Variants in TENM4 observed in about 807,000 individuals in gnomAD.
TENM4 encodes teneurin transmembrane protein 4.
Under a neutral mutation model 243.3 loss-of-function variants are expected in TENM4, and 82 were observed. The ratio of observed to expected loss-of-function variants is 0.34; its 90% confidence interval spans 0.28 to 0.40. The LOEUF is 0.40. Among genes scored for constraint, TENM4 ranks in the 10% least tolerant of loss-of-function variants. TENM4 has a pLI of 1.00. For missense variants in TENM4, 3,138 were observed against 3,673.3 expected, an observed-to-expected ratio of 0.85 and a Z score of 3.77; for synonymous variants, 1,412 against 1,456.3, an observed-to-expected ratio of 0.97 and a Z score of 0.69.
intron 6 of TENM4, among the ~76,000 whole-genome samples, chr11:79,022,408 C>T (rs1165220892): frequency 6.6e-6 from 1 of 152,128 alleles, no homozygotes; most frequent in African/African-American, 2.4e-5. Context: ...CTCAGCTATG[C>T]AGTAAACAGT....
At chr11:79,247,416 CAAAAAAAAAAAA>C (rs34265803) in intron 2 of TENM4, among the ~76,000 whole-genome samples, 3 of 81,372 alleles carry the variant, frequency 3.7e-5, no homozygotes, top group Admixed American at 2.6e-4. Context: ...GACTCTGTCT[CAAAAAAAAAAAA>C]AAAAAAAAAA....
intron 4 of TENM4, among the ~76,000 whole-genome samples, chr11:79,102,981 T>G (rs960975683): frequency 6.6e-6 from 1 of 152,128 alleles, no homozygotes; most frequent in Non-Finnish European, 1.5e-5. Flanking sequence ...TGGTGTCGAG[T>G]CTTTCCAAGT....
chr11:79,130,424 G>C (rs1861978637), intron 4 of TENM4, among the ~76,000 whole-genome samples: 1 of 151,818 alleles, frequency 6.6e-6, no homozygotes. Context: ...CAGGAGGTTA[G>C]TCATTAAGCT....
At chr11:78,693,758 A>G (rs1406051805) in intron 28 of TENM4, among the ~76,000 whole-genome samples, 1 of 152,230 alleles carries the variant, frequency 6.6e-6, no homozygotes, top group African/African-American at 2.4e-5. Flanking sequence ...TCACGCCTGT[A>G]ATCCCAGCAC....
intron 3 of TENM4, among the ~76,000 whole-genome samples, chr11:79,171,159 G>C (rs1465373274): frequency 6.6e-6 from 1 of 152,176 alleles, no homozygotes; most frequent in East Asian, 1.9e-4. Context: ...CCCAGAGAGG[G>C]GAAGAATTTG....
At chr11:79,021,911 CT>C (rs1264544542) in intron 6 of TENM4, 3 of 152,196 alleles carry the variant, frequency 2.0e-5, no homozygotes, top group Non-Finnish European at 4.4e-5. Context: ...AAGAAAATCC[CT>C]TTGTCTTTGG....
At chr11:78,865,404 GGC>G (rs1858945196) in intron 9 of TENM4, among the ~76,000 whole-genome samples, 1 of 152,182 alleles carries the variant, frequency 6.6e-6, no homozygotes, top group South Asian at 2.1e-4. Context: ...TTGCCTGCTT[GGC>G]TAGGGCACCT....
In TENM4 at chr11:78,903,579, GA is replaced by G. The variant is rs1430738251; in HGVS notation, c.494-57del. On this transcript the variant is annotated intron_variant, in intron 6 of 33. Coordinates refer to ENST00000278550, the MANE Select transcript of TENM4 (RefSeq NM_001098816.3). ...TGAGCTTGGTGCTGCCCCTCGGCTGGAAAAGCAGCCACGGAGGTCTGAGCAA... is the reference window on the plus strand; with the variant it reads ...TGAGCTTGGTGCTGCCCCTCGGCTGGAAAGCAGCCACGGAGGTCTGAGCAA... 8 of 1,537,408 alleles carry G rather than the reference GA, an allele frequency of 5.2e-6. No homozygotes were observed. The African/African-American group carries it at 1.1e-4, about 21-fold the overall frequency.
chr11:78,995,356 G>A (rs1858145775), intron 6 of TENM4, among the ~76,000 whole-genome samples: 1 of 152,152 alleles, frequency 6.6e-6, no homozygotes, highest in Non-Finnish European at 1.5e-5. Context: ...GGAAAGCTTT[G>A]AAGCAGAGGA....
Position 79,438,404 on chromosome 11 carries a change from G to C in TENM4, c.-321+2105C>G, listed in dbSNP as rs970045013. ...CTGTCTGCAGAGGCGAGAGGCGAAG[G>C]AACGGAAGCCATACCCGACCCCAGC... On this transcript the variant is annotated intron_variant, in intron 1 of 33. Coordinates refer to ENST00000278550, the MANE Select transcript of TENM4 (RefSeq NM_001098816.3). This position sits in a 1 kb window ranked among gnomAD's most constrained non-coding sequence, Gnocchi z 4.1. Among the ~76,000 whole-genome samples the C allele has an allele frequency of 3.3e-5, 5 of 152,210 alleles. No individual in the cohort carries two copies. The highest frequency in any genetic ancestry group is 3.3e-4 in the Admixed American group (5 of 15,284).
chr11:78,784,772 G>C (rs1856900791), intron 16 of TENM4, among the ~76,000 whole-genome samples: 1 of 152,212 alleles, frequency 6.6e-6, no homozygotes, highest in Non-Finnish European at 1.5e-5. Flanking sequence ...TGGATGGTTT[G>C]ACTTCTTGGC....
chr11:79,347,796 G>T (rs1423989440), intron 1 of TENM4, among the ~76,000 whole-genome samples: 1 of 121,682 alleles, frequency 8.2e-6, no homozygotes, highest in African/African-American at 3.2e-5. Flanking sequence ...TTTTTGAGAC[G>T]GAGTCTCGCT....
chr11:79,196,152 T>G (rs994329890), intron 3 of TENM4, among the ~76,000 whole-genome samples: 1 of 152,164 alleles, frequency 6.6e-6, no homozygotes, highest in Non-Finnish European at 1.5e-5. Flanking sequence ...TAAGTCCTGT[T>G]AAACTTCTTT....
At chr11:78,840,836 G>A (rs1858242123) in intron 12 of TENM4, among the ~76,000 whole-genome samples, 1 of 152,210 alleles carries the variant, frequency 6.6e-6, no homozygotes, top group Non-Finnish European at 1.5e-5. Flanking sequence ...TCTTCAGGCA[G>A]ACTGGCCTAG....
At chr11:79,272,519 C>T (rs1053544333) in intron 2 of TENM4, among the ~76,000 whole-genome samples, 5 of 152,122 alleles carry the variant, frequency 3.3e-5, no homozygotes, top group Non-Finnish European at 7.4e-5. Context: ...GGGCACATCT[C>T]GTATTATATC....
chr11:78,767,144 A>G (rs1856555575), intron 18 of TENM4, among the ~76,000 whole-genome samples: 1 of 152,232 alleles, frequency 6.6e-6, no homozygotes, highest in Admixed American at 6.5e-5. Context: ...AATGGGCCAT[A>G]TGTCAGAGGT....
chr11:79,242,585 C>T (rs111398450), intron 2 of TENM4, among the ~76,000 whole-genome samples: 60 of 152,244 alleles, frequency 3.9e-4, no homozygotes, highest in African/African-American at 1.3e-3. Flanking sequence ...CATAAGCATA[C>T]CATAAGCATT....
At chr11:78,794,702 C>A (rs978782601) in intron 15 of TENM4, among the ~76,000 whole-genome samples, 1 of 152,034 alleles carries the variant, frequency 6.6e-6, no homozygotes, top group Non-Finnish European at 1.5e-5. Flanking sequence ...GATGGACCAG[C>A]GGAAGAGCAG....
intron 1 of TENM4, among the ~76,000 whole-genome samples, chr11:79,334,226 T>C (rs1189470088): frequency 6.6e-6 from 1 of 152,176 alleles, no homozygotes; most frequent in Non-Finnish European, 1.5e-5. Context: ...TGCCTTACAG[T>C]GTCGCATATA....
Sources: gnomAD v4.1 joint callset for allele counts (sites outside exome capture counted in the v4.1 genomes callset) on GRCh38, gnomAD v4.1.1 for gene constraint, Gnocchi (gnomAD v3.1) non-coding constraint, MANE v1.5 for transcripts, NCBI Gene and HGNC (gene_info 2026-07-23, HGNC 2026-07-21) for gene names.